PDS5A: variants seen among roughly 807,000 people sequenced by gnomAD.
PDS5A encodes PDS5 cohesin associated factor A, also known as sister chromatid cohesion protein PDS5 homolog A.
In PDS5A, 42 loss-of-function variants were observed where a neutral mutation model predicts 167.1. The ratio of observed to expected loss-of-function variants is 0.25; its 90% CI spans 0.20 to 0.33. PDS5A has a LOEUF of 0.33. Ranked by LOEUF, PDS5A falls within the 10% of genes least tolerant of loss-of-function variation. The pLI is 1.00. For missense variants in PDS5A, 1,033 were observed against 1,605.9 expected (o/e 0.64, Z 6.10); for synonymous variants, 553 against 554.6 (o/e 1.00, Z 0.04).
chr4:39,883,138 C>T lies in PDS5A; in HGVS notation c.1887-3305G>A, dbSNP rs1264288486. On this transcript the variant is annotated intron_variant, in intron 17 of 32. Transcript: ENST00000303538. ...ATGCTGCTCCCTCATACCTATATTC[C>T]CCTTCCCTTATCTGCAATCTGTCTT... is the stretch of plus-strand genomic sequence containing the variant. Among the ~76,000 whole-genome samples the T allele has an allele frequency of 2.0e-5, 3 of 151,990 alleles. No individual in the cohort carries two copies. In the East Asian group the frequency reaches 5.8e-4, roughly 29 times the overall value.
rs151265438 is a variant in PDS5A at position 39,975,870 on chromosome 4, A to G, written c.138+570T>C. Among the ~76,000 whole-genome samples, 11 of 152,364 alleles carry G rather than the reference A, an allele frequency of 7.2e-5. No homozygotes were observed. In the East Asian group the frequency reaches 1.3e-3, roughly 19 times the overall value. ...TTAAAACCTTAACCTTAGGACTGCC[A>G]TGCTTAAACAAAATTAGCTGACACC... is the stretch of plus-strand genomic sequence containing the variant. On this transcript the variant is annotated intron_variant, in intron 2 of 32. Transcript: ENST00000303538.
chr4:39,914,166 T>G (rs1345379991), intron 8 of PDS5A, among the ~76,000 whole-genome samples: 3 of 150,338 alleles, frequency 2.0e-5, no homozygotes, highest in Non-Finnish European at 4.4e-5. Context: ...AAATTTGTTT[T>G]TTTTTTTTTT....
intron 2 of PDS5A, chr4:39,933,166 C>T (rs34723093): frequency 0.18 from 27,705 of 152,660 alleles, 3,254 homozygotes; most frequent in Admixed American, 0.26. Flanking sequence ...AAAACTCCGT[C>T]TCAAAACCAA....
intron 2 of PDS5A, among the ~76,000 whole-genome samples, chr4:39,968,043 T>C (rs34029281): frequency 0.013 from 2,003 of 152,274 alleles, 18 homozygotes; most frequent in Non-Finnish European, 0.022. Context: ...ATCCATGATA[T>C]AGGATATACT....
intron 32 of PDS5A, among the ~76,000 whole-genome samples, chr4:39,825,757 T>C: frequency 6.6e-6 from 1 of 151,912 alleles, no homozygotes; most frequent in East Asian, 1.9e-4. Flanking sequence ...CACACCACCA[T>C]GGCTGGCTAA....
At chr4:39,840,237 C>T (rs1289050401) in intron 31 of PDS5A, among the ~76,000 whole-genome samples, 1 of 152,166 alleles carries the variant, frequency 6.6e-6, no homozygotes, top group Non-Finnish European at 1.5e-5. Context: ...ATGCTCCTAT[C>T]GATTATGCAC....
At position 39,875,376 on chromosome 4, in the gene PDS5A, C is replaced by T. The variant is rs138157823; in HGVS notation, c.2154-964G>A. On this transcript the variant is annotated intron_variant, in intron 19 of 32. Coordinates refer to ENST00000303538, the MANE Select transcript of PDS5A (RefSeq NM_001100399.2). ...TATTTTTTCTAGTTTCAGTTTGCTA[C>T]AATGAACGTAAGTATTTTTATAATC... 1.9e-4 allele frequency among the ~76,000 whole-genome samples: 29 copies of T among 151,888 alleles called. No individual in the cohort carries two copies. In the East Asian group the frequency reaches 5.4e-3, roughly 28 times the overall value.
At chr4:39,939,989 G>A (rs1387321323) in intron 2 of PDS5A, among the ~76,000 whole-genome samples, 1 of 152,032 alleles carries the variant, frequency 6.6e-6, no homozygotes, top group African/African-American at 2.4e-5. Flanking sequence ...CAGGAGCAGA[G>A]TCTCACACCT....
At chr4:39,867,966 C>T (rs992017002) in intron 22 of PDS5A, among the ~76,000 whole-genome samples, 2 of 151,750 alleles carry the variant, frequency 1.3e-5, no homozygotes, top group Admixed American at 1.3e-4. Flanking sequence ...AGATTGTTAC[C>T]AATATATGTG....
chr4:39,900,773 C>T (rs1722809380), intron 13 of PDS5A, among the ~76,000 whole-genome samples: 1 of 152,000 alleles, frequency 6.6e-6, no homozygotes, highest in African/African-American at 2.4e-5. Context: ...ATACAGGTAG[C>T]TAGAAAGTTT....
intron 21 of PDS5A, among the ~76,000 whole-genome samples, chr4:39,871,742 C>T (rs993684858): frequency 2.0e-5 from 3 of 152,144 alleles, no homozygotes; most frequent in East Asian, 1.9e-4. Context: ...TTGCTCTTGT[C>T]GCCTAGGCTG....
intron 32 of PDS5A, among the ~76,000 whole-genome samples, chr4:39,832,155 T>C (rs1046229277): frequency 2.0e-5 from 3 of 151,488 alleles, no homozygotes; most frequent in Admixed American, 6.6e-5. Context: ...AACAAGAATA[T>C]AAGGGGTCTT....
intron 22 of PDS5A, among the ~76,000 whole-genome samples, chr4:39,867,225 A>C (rs192757726): frequency 2.8e-4 from 42 of 152,076 alleles, no homozygotes; most frequent in African/African-American, 7.7e-4. Context: ...TTAATCTCCC[A>C]AAAAATTCTT....
At chr4:39,843,269 T>G (rs965085160) in intron 30 of PDS5A, among the ~76,000 whole-genome samples, 9 of 152,028 alleles carry the variant, frequency 5.9e-5, no homozygotes, top group African/African-American at 1.9e-4. Flanking sequence ...ACTTCTGGGC[T>G]CAAGTGATAA....
chr4:39,949,684 A>G (rs1196603494), intron 2 of PDS5A, among the ~76,000 whole-genome samples: 1 of 151,736 alleles, frequency 6.6e-6, no homozygotes, highest in Non-Finnish European at 1.5e-5. Flanking sequence ...AGTTTCAACA[A>G]TTAGCTTGGC....
At chr4:39,930,246 A>AAATTTTTTTT in intron 2 of PDS5A, among the ~76,000 whole-genome samples, 9 of 93,088 alleles carry the variant, frequency 9.7e-5, no homozygotes, top group Non-Finnish European at 1.8e-4. Context: ...AAAAAAAAAA[A>AAATTTTTTTT]GTTTTTTTGT....
chr4:39,869,519 G>A (rs1303806794), intron 21 of PDS5A, 57 bp from the exon 22 acceptor site: 2 of 1,046,174 alleles, frequency 1.9e-6, no homozygotes, highest in Non-Finnish European at 3.0e-6. Flanking sequence ...TTATGTTTTT[G>A]CTGATTAAGT....
intron 27 of PDS5A, 87 bp downstream of exon 27, chr4:39,849,433 A>C: frequency 9.5e-5 from 66 of 697,046 alleles, no homozygotes; most frequent in Non-Finnish European, 1.3e-4. Flanking sequence ...ATTACTACGT[A>C]TGGCCAAAAA....
At chr4:39,964,462 C>T (rs559180165) in intron 2 of PDS5A, among the ~76,000 whole-genome samples, 5 of 152,276 alleles carry the variant, frequency 3.3e-5, no homozygotes, top group African/African-American at 4.8e-5. Flanking sequence ...CCATCACTTT[C>T]GGAGGCTGAG....
Sources: allele counts gnomAD v4.1 joint callset (sites outside exome capture counted in the v4.1 genomes callset), GRCh38; gene constraint gnomAD v4.1.1; transcripts MANE v1.5; gene names NCBI Gene and HGNC (gene_info 2026-07-23, HGNC 2026-07-21).